RBFOX1: variants seen among roughly 807,000 people sequenced by gnomAD.
RBFOX1 encodes the protein RNA binding fox-1 homolog 1.
Under a neutral mutation model 57.7 loss-of-function variants are expected in RBFOX1, and 8 were observed. The observed-to-expected ratio is 0.14, with a 90% CI of 0.08 to 0.25. The LOEUF (loss-of-function observed/expected upper bound fraction) is 0.25, where lower values mean the gene tolerates loss of function less well. RBFOX1 is among the 10% of genes least tolerant of loss of function. The pLI is 1.00. For missense variants in RBFOX1, 611 were observed against 548.5 expected (o/e 1.11, Z -1.14); for synonymous variants, 326 against 222.4 (o/e 1.47, Z -4.15).
chr16:5,926,929 G>A (rs1197988897), intron 4 of RBFOX1, among the ~76,000 whole-genome samples: 6 of 152,182 alleles, frequency 3.9e-5, no homozygotes, highest in Non-Finnish European at 8.8e-5. Context: ...AGGCAAGTAG[G>A]TGGTAGAGTT....
intron 1 of RBFOX1, among the ~76,000 whole-genome samples, chr16:6,180,586 G>A (rs1347804591): frequency 1.3e-5 from 2 of 149,616 alleles, no homozygotes; most frequent in African/African-American, 4.9e-5. Flanking sequence ...TCTTTTTTGA[G>A]ATGGAGTTTC....
chr16:5,580,579 C>G (rs191833009), intron 2 of RBFOX1, among the ~76,000 whole-genome samples: 4 of 152,314 alleles, frequency 2.6e-5, no homozygotes, highest in African/African-American at 7.2e-5. Flanking sequence ...TGCTTCAACG[C>G]TGGTTGTTCC....
intron 2 of RBFOX1, among the ~76,000 whole-genome samples, chr16:6,633,934 G>C (rs2098410515): frequency 6.6e-6 from 1 of 152,120 alleles, no homozygotes; most frequent in African/African-American, 2.4e-5. Context: ...AGGATTGCTT[G>C]AGGCCAGGGG....
chr16:5,806,893 C>A (rs1436398), intron 3 of RBFOX1, among the ~76,000 whole-genome samples: 4 of 151,932 alleles, frequency 2.6e-5, no homozygotes, highest in South Asian at 2.1e-4. Flanking sequence ...CTTTCTAAAC[C>A]TCTCAGAGCC....
intron 3 of RBFOX1, among the ~76,000 whole-genome samples, chr16:7,027,051 G>T (rs1423295383): frequency 6.6e-6 from 1 of 152,098 alleles, no homozygotes; most frequent in African/African-American, 2.4e-5. Flanking sequence ...CTGAACAATA[G>T]GACCCTTGCT....
chr16:6,895,484 ATATT>A lies in RBFOX1; in HGVS notation c.-15-156568_-15-156565del, dbSNP rs201512914. Among the ~76,000 whole-genome samples, 473 of 93,276 alleles carry A rather than the reference ATATT, an allele frequency of 5.1e-3. 10 individuals are homozygous for A. Among genetic ancestry groups the A allele is most frequent in the African/African-American group, 0.015 (356 of 24,128 alleles). 61.2% of individuals were successfully genotyped at this position (93,276 alleles called of 152,430 possible). A position where few individuals can be genotyped will look rare whatever the true frequency, so the allele number is the denominator to read the frequency against. ...TATATATATATATATATATATATAT[ATATT>A]TATTCCCCTATTGGATAACAAGCTG... On this transcript the variant is annotated intron_variant, in intron 3 of 15. Transcript: ENST00000550418.
chr16:6,877,548 C>T (rs1234456846), intron 3 of RBFOX1, among the ~76,000 whole-genome samples: 2 of 152,160 alleles, frequency 1.3e-5, no homozygotes, highest in African/African-American at 2.4e-5. Context: ...GAATTCGGAA[C>T]AACTTCTGAA....
chr16:6,265,070 C>G (rs749131887), intron 1 of RBFOX1, among the ~76,000 whole-genome samples: 6 of 152,024 alleles, frequency 3.9e-5, no homozygotes, highest in Non-Finnish European at 8.8e-5. Context: ...TACTTCATTC[C>G]ATTTCCTTTT....
intron 3 of RBFOX1, among the ~76,000 whole-genome samples, chr16:7,027,466 G>C (rs2041305510): frequency 6.6e-6 from 1 of 152,080 alleles, no homozygotes; most frequent in African/African-American, 2.4e-5. Flanking sequence ...GATTGGGTAG[G>C]TAACTTGCCC....
intron 1 of RBFOX1, among the ~76,000 whole-genome samples, chr16:6,063,025 A>G (rs1021484657): frequency 2.0e-5 from 3 of 152,150 alleles, no homozygotes; most frequent in Non-Finnish European, 2.9e-5. Context: ...TTTCAAGGTA[A>G]TCTCCCTGAC....
intron 3 of RBFOX1, among the ~76,000 whole-genome samples, chr16:5,672,140 G>T (rs1419283857): frequency 6.6e-6 from 1 of 152,138 alleles, no homozygotes; most frequent in East Asian, 1.9e-4. Flanking sequence ...CAGTCTGGGG[G>T]CAGGCAGTGG....
At chr16:6,505,850 T>A (rs1324649251) in intron 2 of RBFOX1, among the ~76,000 whole-genome samples, 1 of 152,162 alleles carries the variant, frequency 6.6e-6, no homozygotes, top group Non-Finnish European at 1.5e-5. Flanking sequence ...TACTCAGTGT[T>A]GGGGTAAGGA....
At chr16:7,690,825 C>T (rs751255527) in intron 14 of RBFOX1, among the ~76,000 whole-genome samples, 55 of 152,114 alleles carry the variant, frequency 3.6e-4, no homozygotes, top group Non-Finnish European at 1.9e-4. Flanking sequence ...CAAGGTGAAA[C>T]AGCTGTACAT....
At chr16:6,386,700 A>T (rs1165972870) in intron 2 of RBFOX1, among the ~76,000 whole-genome samples, 2 of 152,202 alleles carry the variant, frequency 1.3e-5, no homozygotes, top group Non-Finnish European at 2.9e-5. Flanking sequence ...CATAGTAGGA[A>T]CTCAAGTGAT....
chr16:5,253,308 C>T (rs2062503061), intron 1 of RBFOX1, among the ~76,000 whole-genome samples: 1 of 152,114 alleles, frequency 6.6e-6, no homozygotes, highest in African/African-American at 2.4e-5. Context: ...CACAACCACA[C>T]CCAGCTAATT....
chr16:7,238,023 T>G (rs2093860033), intron 4 of RBFOX1, among the ~76,000 whole-genome samples: 2 of 152,266 alleles, frequency 1.3e-5, no homozygotes, highest in South Asian at 4.1e-4. Flanking sequence ...AAAGAGATGC[T>G]GATACATGCT....
chr16:6,157,239 G>A (rs1047295879), intron 1 of RBFOX1, among the ~76,000 whole-genome samples: 9 of 152,212 alleles, frequency 5.9e-5, no homozygotes, highest in African/African-American at 2.2e-4. Context: ...TAAATGTAGA[G>A]GTGATGATAC....
At chr16:5,352,816 ACC>A (rs1415995873) in intron 1 of RBFOX1, among the ~76,000 whole-genome samples, 6 of 152,054 alleles carry the variant, frequency 3.9e-5, no homozygotes, top group Admixed American at 3.9e-4. Flanking sequence ...GGTGGCATGC[ACC>A]TGTAGTCCCA....
chr16:6,590,829 T>C (rs774295810), intron 2 of RBFOX1, among the ~76,000 whole-genome samples: 10 of 94,528 alleles, frequency 1.1e-4, no homozygotes, highest in Non-Finnish European at 2.1e-4. Flanking sequence ...CTCTGTCATA[T>C]TGGCAAGTGC....
Sources: gnomAD v4.1 joint callset for allele counts (sites outside exome capture counted in the v4.1 genomes callset) on GRCh38, gnomAD v4.1.1 for gene constraint, MANE v1.5 for transcripts, NCBI Gene and HGNC (gene_info 2026-07-23, HGNC 2026-07-21) for gene names.